The following CDH13 variants were observed in gnomAD, a reference collection of about 807,000 sequenced individuals.
CDH13 encodes the protein cadherin 13.
In CDH13, 24 loss-of-function variants were observed where a neutral mutation model predicts 63.8. The observed-to-expected ratio is 0.38, with a 90% CI of 0.27 to 0.53. CDH13 has a LOEUF of 0.53. CDH13 is among the 20% of genes least tolerant of loss of function. The pLI is 0.85. For synonymous variants in CDH13, 503 were observed against 355.3 expected (o/e 1.42, Z -4.67); for missense variants, 1,049 against 903.1 (o/e 1.16, Z -2.07).
At chr16:83,584,025 C>T (rs999892346) in intron 7 of CDH13, among the ~76,000 whole-genome samples, 1 of 151,932 alleles carries the variant, frequency 6.6e-6, no homozygotes, top group Admixed American at 6.6e-5. Flanking sequence ...TGAGCAAAAG[C>T]AGAGAGTTAA....
At chr16:83,511,213 A>G (rs959346453) in intron 7 of CDH13, among the ~76,000 whole-genome samples, 2 of 152,212 alleles carry the variant, frequency 1.3e-5, no homozygotes, top group African/African-American at 4.8e-5. Context: ...TGTGATCCCA[A>G]CACTTTGGGA....
At chr16:82,812,255 G>T (rs527602543) in intron 1 of CDH13, among the ~76,000 whole-genome samples, 13 of 152,256 alleles carry the variant, frequency 8.5e-5, no homozygotes, top group Admixed American at 7.9e-4. Context: ...TGCTGGATCT[G>T]CAGGTCCAGA....
intron 5 of CDH13, among the ~76,000 whole-genome samples, chr16:83,244,486 A>C (rs1009254877): frequency 6.6e-6 from 1 of 152,158 alleles, no homozygotes; most frequent in African/African-American, 2.4e-5. Flanking sequence ...GGTGTTTAAC[A>C]TACATTCTCT....
chr16:83,124,265 C>T (rs922929054), intron 3 of CDH13, among the ~76,000 whole-genome samples: 1 of 152,110 alleles, frequency 6.6e-6, no homozygotes, highest in Non-Finnish European at 1.5e-5. Context: ...AGGCTGGTCT[C>T]GAACTCCTGA....
chr16:83,794,420 G>A (rs1916471466), intron 13 of CDH13, among the ~76,000 whole-genome samples: 2 of 152,182 alleles, frequency 1.3e-5, no homozygotes, highest in Non-Finnish European at 2.9e-5. Context: ...AGGCATGGCG[G>A]TGCATGCCTG....
intron 1 of CDH13, among the ~76,000 whole-genome samples, chr16:82,724,832 A>G (rs75558463): frequency 0.061 from 9,258 of 152,222 alleles, 302 homozygotes; most frequent in Non-Finnish European, 0.07. Flanking sequence ...TTGAATCTAG[A>G]GTCAGACTGA....
intron 2 of CDH13, among the ~76,000 whole-genome samples, chr16:83,025,864 A>T (rs575465972): frequency 6.6e-6 from 1 of 152,286 alleles, no homozygotes; most frequent in East Asian, 1.9e-4. Flanking sequence ...CTCTGTCTGC[A>T]TTAGATTAAT....
At chr16:83,510,799 TAAAG>T (rs2074539098) in intron 7 of CDH13, among the ~76,000 whole-genome samples, 3 of 152,222 alleles carry the variant, frequency 2.0e-5, no homozygotes, top group African/African-American at 7.2e-5. Flanking sequence ...AAGTATGTCT[TAAAG>T]AAAAATAAAT....
At chr16:83,218,913 G>A (rs763565790) in intron 5 of CDH13, among the ~76,000 whole-genome samples, 7 of 152,108 alleles carry the variant, frequency 4.6e-5, no homozygotes, top group Non-Finnish European at 1.0e-4. Flanking sequence ...GAGTTCCCCT[G>A]CACATGCTTT....
chr16:83,294,533 C>G (rs988557500), intron 5 of CDH13, among the ~76,000 whole-genome samples: 9 of 151,916 alleles, frequency 5.9e-5, no homozygotes, highest in Non-Finnish European at 1.3e-4. Flanking sequence ...ATAATGTCCT[C>G]CAGGTTCATC....
chr16:82,662,320 TGAG>T (rs1175388051), intron 1 of CDH13, among the ~76,000 whole-genome samples: 3 of 150,098 alleles, frequency 2.0e-5, no homozygotes, highest in African/African-American at 7.3e-5. Flanking sequence ...TTAGTTACCT[TGAG>T]GAGGCGGGGG....
chr16:83,202,794 T>C (rs1023507758), intron 4 of CDH13, among the ~76,000 whole-genome samples: 4 of 152,182 alleles, frequency 2.6e-5, no homozygotes, highest in African/African-American at 9.7e-5. Context: ...TTACTTTCTC[T>C]GAACTCTGGT....
chr16:82,798,945 G>C (rs1260425862), intron 1 of CDH13, among the ~76,000 whole-genome samples: 1 of 152,100 alleles, frequency 6.6e-6, no homozygotes, highest in Non-Finnish European at 1.5e-5. Flanking sequence ...GCCCAGAAAG[G>C]TGCCCAAGGA....
intron 2 of CDH13, among the ~76,000 whole-genome samples, chr16:82,918,979 A>G (rs1262380279): frequency 6.6e-6 from 1 of 152,182 alleles, no homozygotes; most frequent in Non-Finnish European, 1.5e-5. Flanking sequence ...TTTATTGCTC[A>G]TAAGGTTTAA....
At chr16:82,813,127 C>T (rs1370302996) in intron 1 of CDH13, among the ~76,000 whole-genome samples, 1 of 152,102 alleles carries the variant, frequency 6.6e-6, no homozygotes, top group Non-Finnish European at 1.5e-5. Context: ...TTAATGTGTG[C>T]TGAAGTAAGC....
At chr16:83,066,396 A>C (rs1329856180) in intron 3 of CDH13, among the ~76,000 whole-genome samples, 1 of 152,190 alleles carries the variant, frequency 6.6e-6, no homozygotes, top group Non-Finnish European at 1.5e-5. Flanking sequence ...TAATCCCAGG[A>C]AAAGTCCTAA....
At chr16:83,334,887 T>G (rs970992098) in intron 5 of CDH13, among the ~76,000 whole-genome samples, 6 of 152,152 alleles carry the variant, frequency 3.9e-5, no homozygotes, top group African/African-American at 1.4e-4. Context: ...CATGAGTATA[T>G]TTTCATCTAA....
chr16:83,455,920 A>G (rs1162063488), intron 6 of CDH13, among the ~76,000 whole-genome samples: 1 of 152,226 alleles, frequency 6.6e-6, no homozygotes, highest in Non-Finnish European at 1.5e-5. Context: ...AGTGCTTCCA[A>G]TTAATTTCAT....
intron 2 of CDH13, among the ~76,000 whole-genome samples, chr16:82,876,481 T>C (rs1476306036): frequency 6.6e-6 from 1 of 152,226 alleles, no homozygotes; most frequent in Non-Finnish European, 1.5e-5. Flanking sequence ...AAATCAAGTT[T>C]TGTAAAATTA....
Sources: gnomAD v4.1 joint callset for allele counts (sites outside exome capture counted in the v4.1 genomes callset) on GRCh38, gnomAD v4.1.1 for gene constraint, MANE v1.5 for transcripts, NCBI Gene and HGNC (gene_info 2026-07-23, HGNC 2026-07-21) for gene names.